Variants in JARID2 observed in about 807,000 individuals in gnomAD.
JARID2 encodes the protein protein Jumonji.
Under a neutral mutation model 125.6 loss-of-function variants are expected in JARID2, and 21 were observed. That is an observed-to-expected ratio of 0.17 (90% CI 0.12 to 0.24). The LOEUF (loss-of-function observed/expected upper bound fraction) is 0.24, where lower values mean the gene tolerates loss of function less well. JARID2 is among the 10% of genes least tolerant of loss of function. The pLI, the probability that JARID2 is intolerant of heterozygous loss-of-function variation, is 1.00. For synonymous variants in JARID2, 736 were observed against 661.6 expected (o/e 1.11, Z -1.73); for missense variants, 1,303 against 1,639.6 (o/e 0.79, Z 3.55).
chr6:15,254,985 G>T (rs1759602232), intron 1 of JARID2, among the ~76,000 whole-genome samples: 1 of 151,176 alleles, frequency 6.6e-6, no homozygotes, highest in South Asian at 2.1e-4. Flanking sequence ...TTGCAGTGAG[G>T]TGAGTGAGAC....
At chr6:15,282,299 A>G (rs1303742326) in intron 1 of JARID2, among the ~76,000 whole-genome samples, 1 of 152,120 alleles carries the variant, frequency 6.6e-6, no homozygotes, top group Non-Finnish European at 1.5e-5. Flanking sequence ...CAGCCAATCT[A>G]CACACCCACT....
chr6:15,372,900 G>A (rs1039049523), intron 1 of JARID2, among the ~76,000 whole-genome samples: 1 of 151,758 alleles, frequency 6.6e-6, no homozygotes, highest in African/African-American at 2.4e-5. Flanking sequence ...GTAGAGATGG[G>A]ATTTCACCAT....
At position 15,501,169 on chromosome 6, in the gene JARID2, G is replaced by A. The variant is rs771749409; in HGVS notation, c.2208G>A (p.Pro736=). The part of the protein sequence containing the change: ...EKEILEKRKG[P]LEGHTENDHH... ...AGATCCTGGAGAAGCGCAAGGGGCC[G>A]CTGGAAGGCCACACAGAGAACGACC... Residue 736 remains proline, a synonymous_variant, in exon 8 of 18, where the codon CCG becomes CCA. Transcript: ENST00000341776. 22 of 1,613,976 alleles carry A rather than the reference G, an allele frequency of 1.4e-5. No individual in the cohort carries two copies. Among genetic ancestry groups the A allele is most frequent in the East Asian group, 4.5e-5 (2 of 44,882 alleles).
intron 1 of JARID2, among the ~76,000 whole-genome samples, chr6:15,339,264 A>G (rs569721569): frequency 2.0e-5 from 3 of 152,280 alleles, no homozygotes; most frequent in South Asian, 4.2e-4. Context: ...GGAAAGGCTA[A>G]GAGAGGCCTT....
At chr6:15,489,267 G>C (rs1770031487) in intron 6 of JARID2, among the ~76,000 whole-genome samples, 1 of 152,058 alleles carries the variant, frequency 6.6e-6, no homozygotes, top group South Asian at 2.1e-4. Flanking sequence ...ATTCTCATGG[G>C]CCACATCAGA....
intron 3 of JARID2, among the ~76,000 whole-genome samples, chr6:15,433,778 G>A (rs1040093398): frequency 6.6e-6 from 1 of 152,098 alleles, no homozygotes; most frequent in East Asian, 1.9e-4. Context: ...ATTTGACAGT[G>A]CTTTCTCCCT....
intron 4 of JARID2, among the ~76,000 whole-genome samples, chr6:15,462,249 G>C (rs1029486021): frequency 6.6e-6 from 1 of 152,228 alleles, no homozygotes; most frequent in Admixed American, 6.5e-5. Context: ...GCAAATGAAT[G>C]CGAATTGGGA....
At chr6:15,250,753 G>C (rs1286066249) in intron 1 of JARID2, among the ~76,000 whole-genome samples, 1 of 152,150 alleles carries the variant, frequency 6.6e-6, no homozygotes, top group Admixed American at 6.6e-5. Context: ...CTCATAGTGG[G>C]TTAAACCAGT....
intron 2 of JARID2, among the ~76,000 whole-genome samples, chr6:15,392,069 T>C (rs1249995456): frequency 8.5e-6 from 1 of 117,154 alleles, no homozygotes; most frequent in Non-Finnish European, 1.8e-5. Context: ...TGTGTGTGTG[T>C]GTGTGTGTGC....
Position 15,467,786 on chromosome 6 carries a change from T to G in JARID2, c.494-756T>G, listed in dbSNP as rs574499472. ...TGTGATCGCGCCACTGCACTCAGCT[T>G]GGGCAACAGAGTGAGACCCTTTCTA... On this transcript the variant is annotated intron_variant, in intron 4 of 17. Transcript: ENST00000341776. 9.9e-5 allele frequency among the ~76,000 whole-genome samples: 15 copies of G among 152,280 alleles called. No individual in the cohort carries two copies. In the East Asian group the frequency reaches 2.1e-3, roughly 22 times the overall value.
intron 1 of JARID2, among the ~76,000 whole-genome samples, chr6:15,268,524 C>T (rs562636089): frequency 3.9e-5 from 6 of 152,124 alleles, no homozygotes; most frequent in East Asian, 1.9e-4. Context: ...TACTTATATC[C>T]GAAAGCCTGG....
intron 1 of JARID2, among the ~76,000 whole-genome samples, chr6:15,361,122 A>G (rs1311185785): frequency 6.6e-6 from 1 of 152,198 alleles, no homozygotes; most frequent in Non-Finnish European, 1.5e-5. Context: ...ACTGAGTTGA[A>G]AACCTTTGGA....
chr6:15,447,540 T>A (rs1199589699), intron 3 of JARID2, among the ~76,000 whole-genome samples: 3 of 152,340 alleles, frequency 2.0e-5, no homozygotes, highest in Non-Finnish European at 4.4e-5. Flanking sequence ...TATTTTTCTC[T>A]CAAACATTTA....
intron 2 of JARID2, among the ~76,000 whole-genome samples, chr6:15,389,999 C>T (rs1190099732): frequency 1.3e-5 from 2 of 152,154 alleles, no homozygotes; most frequent in African/African-American, 4.8e-5. Flanking sequence ...TAGTTTCCTT[C>T]TTTGACAACT....
At chr6:15,291,926 C>T (rs947085270) in intron 1 of JARID2, among the ~76,000 whole-genome samples, 1 of 151,908 alleles carries the variant, frequency 6.6e-6, no homozygotes, top group Non-Finnish European at 1.5e-5. Flanking sequence ...TACATATGTT[C>T]CATAATAACA....
Position 15,427,133 on chromosome 6 carries a change from C to T in JARID2, c.323+16768C>T, listed in dbSNP as rs962894877. ...GTTCCTGTTCCTGCTAGACTTGGGT[C>T]TGTCTCTAGAGAGGTCTTATTAGAT... On this transcript the variant is annotated intron_variant, in intron 3 of 17. Transcript: ENST00000341776. 2.0e-5 allele frequency among the ~76,000 whole-genome samples: 3 copies of T among 152,176 alleles called. No homozygotes were observed. In the South Asian group the frequency reaches 6.2e-4, roughly 31 times the overall value.
chr6:15,467,691 CTGGG>C (rs927823968), intron 4 of JARID2, among the ~76,000 whole-genome samples: 2 of 152,114 alleles, frequency 1.3e-5, no homozygotes, highest in African/African-American at 4.8e-5. Context: ...AAAAAATTAG[CTGGG>C]TGTGGTGGTG....
intron 3 of JARID2, among the ~76,000 whole-genome samples, chr6:15,431,530 C>G (rs1766967722): frequency 6.6e-6 from 1 of 152,212 alleles, no homozygotes; most frequent in Non-Finnish European, 1.5e-5. Flanking sequence ...TTGCTGTTAC[C>G]ACTGCCTCCA....
chr6:15,320,850 C>CTGTGTG lies in JARID2; in HGVS notation c.46-53266_46-53265insGTGTGT, dbSNP rs71535033. Among the ~76,000 whole-genome samples, 556 of 135,080 alleles carry CTGTGTG rather than the reference C, an allele frequency of 4.1e-3. 9 individuals carry two copies. Among genetic ancestry groups the CTGTGTG allele is most frequent in the African/African-American group, 0.015 (518 of 35,556 alleles). 88.6% of individuals were successfully genotyped at this position (135,080 alleles called of 152,430 possible). Reference sequence around the variant, plus strand: ...AGAATATGATTCATTCTCTCTCTCTCTCTGTGTGTGTGTGTGTGTGTGTGT... The same window carrying CTGTGTG: ...AGAATATGATTCATTCTCTCTCTCTCTGTGTGTCTGTGTGTGTGTGTGTGTGTGTGT... On this transcript the variant is annotated intron_variant, in intron 1 of 17. Transcript: ENST00000341776.
Sources: allele counts gnomAD v4.1 joint callset (sites outside exome capture counted in the v4.1 genomes callset), GRCh38; gene constraint gnomAD v4.1.1; transcripts MANE v1.5; gene names NCBI Gene and HGNC (gene_info 2026-07-23, HGNC 2026-07-21).